Variants in EYS observed in about 807,000 individuals in gnomAD.
EYS encodes the protein EGF-like photoreceptor maintenance factor.
A neutral mutation model predicts 282.1 loss-of-function variants in EYS; 250 were observed. That is an observed-to-expected ratio of 0.89 (90% CI 0.80 to 0.98). The LOEUF (loss-of-function observed/expected upper bound fraction) is 0.98, where lower values mean the gene tolerates loss of function less well. Among genes scored for constraint, EYS ranks in the 50% least tolerant of loss-of-function variants. The pLI is 0.00. For missense variants in EYS, 4,016 were observed against 3,709.0 expected (o/e 1.08, Z -2.15); for synonymous variants, 1,355 against 1,282.9 (o/e 1.06, Z -1.20).
chr6:64,415,126 G>A (rs1245253642), intron 28 of EYS, among the ~76,000 whole-genome samples: 3 of 152,134 alleles, frequency 2.0e-5, no homozygotes, highest in African/African-American at 7.2e-5. Context: ...AACCACACTG[G>A]CGAAGAAAAA....
intron 12 of EYS, among the ~76,000 whole-genome samples, chr6:65,084,242 T>A (rs1198720505): frequency 6.6e-6 from 1 of 152,140 alleles, no homozygotes; most frequent in African/African-American, 2.4e-5. Flanking sequence ...AAAGCCAGAC[T>A]ATTGTTAATG....
intron 13 of EYS, among the ~76,000 whole-genome samples, chr6:65,013,529 G>A (rs1307133637): frequency 4.6e-5 from 7 of 152,118 alleles, no homozygotes; most frequent in East Asian, 1.9e-4. Flanking sequence ...TTCCAATATG[G>A]TTTCCAAGAT....
At chr6:63,755,489 C>A (rs1428622587) in intron 41 of EYS, among the ~76,000 whole-genome samples, 2 of 152,010 alleles carry the variant, frequency 1.3e-5, no homozygotes, top group South Asian at 2.1e-4. Flanking sequence ...ATTGGTCTGT[C>A]TCTCTGTTTT....
chr6:65,071,329 A>T (rs77041648), intron 12 of EYS, among the ~76,000 whole-genome samples: 1,802 of 152,026 alleles, frequency 0.012, 35 homozygotes, highest in African/African-American at 0.04. Flanking sequence ...AGCCTATTTG[A>T]TATCAGAAAA....
intron 21 of EYS, among the ~76,000 whole-genome samples, chr6:64,818,896 A>C (rs758748411): frequency 6.8e-4 from 103 of 152,164 alleles, no homozygotes; most frequent in Non-Finnish European, 1.8e-4. Flanking sequence ...TGCATCCTTC[A>C]GTCCAATGAA....
intron 40 of EYS, among the ~76,000 whole-genome samples, chr6:63,768,489 T>C (rs1222512340): frequency 6.6e-6 from 1 of 152,048 alleles, no homozygotes; most frequent in Non-Finnish European, 1.5e-5. Flanking sequence ...TCAACATCAC[T>C]AATCGTTAGA....
chr6:64,997,417 T>TAA (rs376045129), intron 14 of EYS, among the ~76,000 whole-genome samples, 165 bp downstream of exon 14: 1 of 147,128 alleles, frequency 6.8e-6, no homozygotes, highest in African/African-American at 2.5e-5. Context: ...ACCTTTAAGT[T>TAA]AAAAAAAAAA....
At chr6:64,906,557 A>T (rs1325425241) in intron 16 of EYS, among the ~76,000 whole-genome samples, 10 of 152,192 alleles carry the variant, frequency 6.6e-5, no homozygotes, top group Non-Finnish European at 1.3e-4. Context: ...TATATACTGG[A>T]GTAATAGACA....
intron 8 of EYS, among the ~76,000 whole-genome samples, chr6:65,361,070 T>C (rs902186330): frequency 1.5e-4 from 23 of 151,516 alleles, no homozygotes; most frequent in Admixed American, 1.1e-3. Flanking sequence ...TTTCTAAATT[T>C]CCTTTAGAAA....
intron 1 of EYS, among the ~76,000 whole-genome samples, chr6:65,699,075 A>C (rs756521480): frequency 2.6e-5 from 4 of 152,114 alleles, no homozygotes; most frequent in African/African-American, 9.7e-5. Context: ...ATTTCTCCCA[A>C]TCTTTCTTAC....
At chr6:64,761,597 CT>C (rs1388764874) in intron 22 of EYS, among the ~76,000 whole-genome samples, 1 of 152,160 alleles carries the variant, frequency 6.6e-6, no homozygotes, top group Non-Finnish European at 1.5e-5. Flanking sequence ...GCTGGGACTA[CT>C]GGCGCATGCC....
intron 12 of EYS, among the ~76,000 whole-genome samples, chr6:65,259,228 A>G (rs1221218659): frequency 4.6e-5 from 7 of 152,070 alleles, no homozygotes; most frequent in Non-Finnish European, 8.8e-5. Flanking sequence ...TAGAAGCATT[A>G]AAGAGTCATT....
chr6:64,018,920 G>T (rs775883530), intron 33 of EYS, among the ~76,000 whole-genome samples: 2 of 151,688 alleles, frequency 1.3e-5, no homozygotes, highest in Non-Finnish European at 2.9e-5. Flanking sequence ...GACTACAGGC[G>T]CATGCCATCA....
intron 26 of EYS, among the ~76,000 whole-genome samples, chr6:64,441,333 C>T (rs765868034): frequency 6.6e-6 from 1 of 152,168 alleles, no homozygotes; most frequent in Non-Finnish European, 1.5e-5. Context: ...GCAAACTTTC[C>T]ACTCAGGGGA....
chr6:65,672,523 G>A (rs1000826044), intron 1 of EYS, among the ~76,000 whole-genome samples: 1 of 151,968 alleles, frequency 6.6e-6, no homozygotes, highest in Admixed American at 6.6e-5. Flanking sequence ...TGGGAGAGGG[G>A]GCTACTTTTC....
intron 12 of EYS, among the ~76,000 whole-genome samples, chr6:65,241,950 T>G (rs978729237): frequency 2.0e-5 from 3 of 152,188 alleles, no homozygotes; most frequent in African/African-American, 7.2e-5. Flanking sequence ...AATTTATATT[T>G]GTCAATTAAA....
chr6:63,859,728 G>A (rs900707014), intron 36 of EYS, among the ~76,000 whole-genome samples: 6 of 151,974 alleles, frequency 3.9e-5, no homozygotes, highest in African/African-American at 1.4e-4. Context: ...GGAAAGTAAA[G>A]CTGTTTAAAA....
intron 29 of EYS, among the ~76,000 whole-genome samples, chr6:64,331,570 G>A (rs893000878): frequency 1.4e-5 from 2 of 144,110 alleles, no homozygotes; most frequent in Non-Finnish European, 3.0e-5. Flanking sequence ...GAAGTTCTCA[G>A]ATGGGAGGCT....
At chr6:64,296,443 T>C (rs1220469817) in intron 30 of EYS, among the ~76,000 whole-genome samples, 1 of 151,680 alleles carries the variant, frequency 6.6e-6, no homozygotes, top group Non-Finnish European at 1.5e-5. Context: ...TGTTAACTTA[T>C]GAGTTTATCA....
Sources: gnomAD v4.1 joint callset for allele counts (sites outside exome capture counted in the v4.1 genomes callset) on GRCh38, gnomAD v4.1.1 for gene constraint, MANE v1.5 for transcripts, NCBI Gene and HGNC (gene_info 2026-07-23, HGNC 2026-07-21) for gene names.